The following MACROD2 variants were observed in gnomAD, a reference collection of about 807,000 sequenced individuals.
MACROD2 encodes mono-ADP ribosylhydrolase 2.
MACROD2 carries 36 observed loss-of-function variants against 70.4 expected under a neutral mutation model. The observed-to-expected ratio is 0.51, with a 90% CI of 0.39 to 0.68. The LOEUF is 0.68. Among genes scored for constraint, MACROD2 ranks in the 30% least tolerant of loss-of-function variants. The pLI is 0.00. For synonymous variants in MACROD2, 172 were observed against 178.8 expected, an observed-to-expected ratio of 0.96 and a Z score of 0.30; for missense variants, 496 against 538.4, an observed-to-expected ratio of 0.92 and a Z score of 0.78.
intron 5 of MACROD2, among the ~76,000 whole-genome samples, chr20:15,217,188 T>G (rs1276390979): frequency 6.6e-6 from 1 of 152,172 alleles, no homozygotes; most frequent in East Asian, 1.9e-4. Context: ...TCATGAACTT[T>G]GAGAGTATAA....
At chr20:15,363,941 G>A (rs964893971) in intron 6 of MACROD2, among the ~76,000 whole-genome samples, 4 of 152,142 alleles carry the variant, frequency 2.6e-5, no homozygotes, top group African/African-American at 7.2e-5. Flanking sequence ...TTTTGCTTAC[G>A]TTTTTATTGT....
intron 15 of MACROD2, among the ~76,000 whole-genome samples, chr20:15,989,180 T>C (rs553839538): frequency 7.2e-5 from 11 of 152,222 alleles, no homozygotes; most frequent in Non-Finnish European, 1.3e-4. Flanking sequence ...GATACATTGA[T>C]GACAAAGTCA....
At chr20:15,070,385 G>A (rs960206609) in intron 5 of MACROD2, among the ~76,000 whole-genome samples, 1 of 152,142 alleles carries the variant, frequency 6.6e-6, no homozygotes. Flanking sequence ...ACTGGGAAGG[G>A]ATGGTTGTAT....
chr20:16,029,831 A>AC (rs1460416194), intron 15 of MACROD2, among the ~76,000 whole-genome samples: 1 of 152,234 alleles, frequency 6.6e-6, no homozygotes, highest in Non-Finnish European at 1.5e-5. Flanking sequence ...GAAAAAGCAG[A>AC]CCAATAACAA....
At chr20:15,796,734 C>G (rs990064356) in intron 8 of MACROD2, among the ~76,000 whole-genome samples, 1 of 152,154 alleles carries the variant, frequency 6.6e-6, no homozygotes, top group Non-Finnish European at 1.5e-5. Context: ...TGTCAGATGC[C>G]ATCAAATGTA....
At chr20:14,424,683 C>G (rs758775014) in intron 3 of MACROD2, among the ~76,000 whole-genome samples, 20 of 152,242 alleles carry the variant, frequency 1.3e-4, no homozygotes, top group Middle Eastern at 3.4e-3. Flanking sequence ...ATGATGTTTG[C>G]CATAGTCCTG....
chr20:14,547,179 C>A (rs545608717), intron 4 of MACROD2: 2 of 315,206 alleles, frequency 6.3e-6, no homozygotes, highest in Non-Finnish European at 5.4e-6. Context: ...GATGAGAGAG[C>A]CTGGCTCAAT....
At chr20:15,722,884 G>A (rs1275232185) in intron 8 of MACROD2, among the ~76,000 whole-genome samples, 4 of 151,446 alleles carry the variant, frequency 2.6e-5, no homozygotes, top group Non-Finnish European at 4.4e-5. Flanking sequence ...ATCTTTAATC[G>A]ACCTACTATT....
chr20:14,252,373 T>A (rs2122277173), intron 3 of MACROD2, among the ~76,000 whole-genome samples: 1 of 152,188 alleles, frequency 6.6e-6, no homozygotes, highest in Non-Finnish European at 1.5e-5. Flanking sequence ...GTTGGCCACC[T>A]TTCCCTCATC....
At chr20:15,587,862 T>C (rs1196260911) in intron 8 of MACROD2, among the ~76,000 whole-genome samples, 4 of 152,192 alleles carry the variant, frequency 2.6e-5, no homozygotes, top group Non-Finnish European at 4.4e-5. Context: ...TAGTGTTGAG[T>C]GTCTGCAGCT....
chr20:14,849,803 G>T, intron 5 of MACROD2: 1 of 317,694 alleles, frequency 3.1e-6, no homozygotes, highest in South Asian at 2.6e-5. Context: ...TAGATAAGTA[G>T]TAACTCTCAC....
At chr20:15,772,330 G>A (rs6131702) in intron 8 of MACROD2, among the ~76,000 whole-genome samples, 2 of 151,648 alleles carry the variant, frequency 1.3e-5, no homozygotes, top group East Asian at 3.9e-4. Flanking sequence ...AATCCACATA[G>A]TAAGTGATTC....
rs547594302 is a variant in MACROD2 at position 15,927,587 on chromosome 20, G to A, written c.776-5689G>A. ...ATGGTTATGTGTGTGAGGTGTGTGA[G>A]CGTGTAAAGGCCTGGTGCAAAGGAG... On this transcript the variant is annotated intron_variant, in intron 10 of 17. Coordinates refer to ENST00000684519, the MANE Select transcript of MACROD2 (RefSeq NM_001351661.2). 1.6e-4 allele frequency among the ~76,000 whole-genome samples: 24 copies of A among 152,232 alleles called. 1 individual carries two copies. Among genetic ancestry groups the A allele is most frequent in the African/African-American group, 5.5e-4 (23 of 41,540 alleles).
In MACROD2 at chr20:14,540,432, T is replaced by C. The variant is rs79081407; in HGVS notation, c.301+46924T>C. 7.7e-4 allele frequency among the ~76,000 whole-genome samples: 118 copies of C among 152,320 alleles called. 1 individual carries two copies. In the East Asian group the frequency reaches 0.019, roughly 25 times the overall value. On this transcript the variant is annotated intron_variant, in intron 4 of 17. Transcript: ENST00000684519. The stretch of plus-strand genomic sequence containing the variant: ...CCCTTCCCCTGCCCTTCCCCTTCTA[T>C]TTTTATATTAAACAGAAAAAGAGAG...
intron 6 of MACROD2, among the ~76,000 whole-genome samples, chr20:15,310,737 G>T (rs968174275): frequency 1.3e-5 from 2 of 152,042 alleles, no homozygotes; most frequent in East Asian, 1.9e-4. Flanking sequence ...CCTCAGATAA[G>T]GGAAAGGTGA....
intron 8 of MACROD2, among the ~76,000 whole-genome samples, chr20:15,533,981 A>G (rs561510045): frequency 6.6e-6 from 1 of 152,336 alleles, no homozygotes; most frequent in African/African-American, 2.4e-5. Context: ...CTTGGCTATG[A>G]CACCTTAGCC....
chr20:15,276,596 G>T (rs1021163219), intron 6 of MACROD2, among the ~76,000 whole-genome samples: 1 of 151,788 alleles, frequency 6.6e-6, no homozygotes, highest in East Asian at 1.9e-4. Flanking sequence ...ACGAAAATAC[G>T]GGGCCCTTTC....
chr20:15,033,202 A>T lies in MACROD2; in HGVS notation c.419-196738A>T, dbSNP rs552303757. Among the ~76,000 whole-genome samples the T allele has an allele frequency of 1.1e-4, 16 of 152,344 alleles. No homozygotes were observed. The East Asian group carries it at 3.1e-3, about 29-fold the overall frequency. ...ATTAACACCACTGAATGGTATGCTT[A>T]AAAATGGCTACAGTGATAAATTACA... is the stretch of plus-strand genomic sequence containing the variant. On this transcript the variant is annotated intron_variant, in intron 5 of 17. Transcript: ENST00000684519.
intron 2 of MACROD2, among the ~76,000 whole-genome samples, chr20:14,049,060 A>AAAATACAGGCTGAAATACGTGTTG (rs2053519607): frequency 1.3e-5 from 2 of 152,126 alleles, no homozygotes; most frequent in African/African-American, 4.8e-5. Context: ...TGTTTATGAC[A>AAAATACAGGCTGAAATACGTGTTG]AAATACAGGC....
Sources: gnomAD v4.1 joint callset for allele counts (sites outside exome capture counted in the v4.1 genomes callset) on GRCh38, gnomAD v4.1.1 for gene constraint, MANE v1.5 for transcripts, NCBI Gene and HGNC (gene_info 2026-07-23, HGNC 2026-07-21) for gene names.